Variants in RIT2 observed in about 807,000 individuals in gnomAD.
RIT2 encodes Ras like without CAAX 2.
Under a neutral mutation model 23.7 loss-of-function variants are expected in RIT2, and 24 were observed. The ratio of observed to expected loss-of-function variants is 1.01; its 90% CI spans 0.73 to 1.43. The LOEUF (loss-of-function observed/expected upper bound fraction) is 1.43. Ranked by LOEUF, RIT2 falls within the 40% of genes most tolerant of loss-of-function variation. The probability of loss-of-function intolerance (pLI) is 0.00; values close to 1 mark genes in which losing one functional copy is unlikely to be tolerated. For synonymous variants in RIT2, 107 were observed against 91.1 expected, an observed-to-expected ratio of 1.17 and a Z score of -0.99; for missense variants, 236 against 266.9, an observed-to-expected ratio of 0.88 and a Z score of 0.81.
intron 4 of RIT2, among the ~76,000 whole-genome samples, chr18:42,788,060 CATT>C (rs1464895947): frequency 6.6e-6 from 1 of 151,616 alleles, no homozygotes; most frequent in African/African-American, 2.4e-5. Context: ...CATAAAATAA[CATT>C]AATATGCACT....
At chr18:42,761,889 T>C (rs1230471519) in intron 4 of RIT2, among the ~76,000 whole-genome samples, 1 of 152,146 alleles carries the variant, frequency 6.6e-6, no homozygotes, top group Non-Finnish European at 1.5e-5. Flanking sequence ...CAGTGACACC[T>C]AATTCAGCAA....
At chr18:42,918,701 A>G (rs2144127596) in intron 4 of RIT2, among the ~76,000 whole-genome samples, 1 of 152,262 alleles carries the variant, frequency 6.6e-6, no homozygotes, top group Non-Finnish European at 1.5e-5. Context: ...GGGAGACACT[A>G]TGAAATTATG....
intron 4 of RIT2, among the ~76,000 whole-genome samples, chr18:42,800,480 A>G (rs1428997837): frequency 1.3e-5 from 2 of 151,360 alleles, no homozygotes; most frequent in Non-Finnish European, 2.9e-5. Context: ...TCTACTCTTA[A>G]GGTAATTTTT....
intron 1 of RIT2, among the ~76,000 whole-genome samples, chr18:43,057,025 G>A (rs1353866264): frequency 4.8e-5 from 6 of 125,552 alleles, no homozygotes; most frequent in African/African-American, 1.8e-4. Context: ...GATCAAGGGT[G>A]CATAAGCAAG....
chr18:42,918,470 A>C (rs932185027), intron 4 of RIT2, among the ~76,000 whole-genome samples: 4 of 152,182 alleles, frequency 2.6e-5, no homozygotes, highest in African/African-American at 7.2e-5. Context: ...CAAAATAATG[A>C]GTAAATTACC....
intron 4 of RIT2, among the ~76,000 whole-genome samples, chr18:42,759,957 A>T (rs929566004): frequency 1.3e-5 from 2 of 151,942 alleles, no homozygotes; most frequent in East Asian, 3.9e-4. Context: ...TTGTATTTTT[A>T]GTAGAGATGG....
At chr18:42,887,881 A>C (rs1908064922) in intron 4 of RIT2, among the ~76,000 whole-genome samples, 1 of 152,154 alleles carries the variant, frequency 6.6e-6, no homozygotes, top group South Asian at 2.1e-4. Context: ...TTAAATGTCT[A>C]TTACTTAAGG....
intron 3 of RIT2, among the ~76,000 whole-genome samples, chr18:42,941,950 T>C (rs1909612006): frequency 1.3e-5 from 2 of 152,176 alleles, no homozygotes; most frequent in South Asian, 4.1e-4. Context: ...GGGATTACTG[T>C]GATAGGTAAA....
intron 2 of RIT2, among the ~76,000 whole-genome samples, chr18:43,011,783 T>C (rs1488818322): frequency 6.6e-6 from 1 of 151,808 alleles, no homozygotes; most frequent in Non-Finnish European, 1.5e-5. Context: ...CATCTTAAAC[T>C]GAAGGGCTCA....
At position 42,986,379 on chromosome 18, in the gene RIT2, C is replaced by T. The variant is rs888651511; in HGVS notation, c.161-12232G>A. ...TACAAATCATTCACAAAAAGGCAAC[C>T]TCCAATGAAGGGCAGGCAAAAGACT... On this transcript the variant is annotated intron_variant, in intron 2 of 4. Transcript: ENST00000326695. Among the ~76,000 whole-genome samples the T allele has an allele frequency of 2.2e-4, 33 of 151,604 alleles. 1 individual carries two copies. Among genetic ancestry groups the T allele is most frequent in the African/African-American group, 8.0e-4 (33 of 41,272 alleles).
intron 4 of RIT2, among the ~76,000 whole-genome samples, chr18:42,766,675 G>C (rs1278660893): frequency 6.6e-6 from 1 of 152,192 alleles, no homozygotes; most frequent in Non-Finnish European, 1.5e-5. Flanking sequence ...CAAAACCATG[G>C]GGGAAAATGT....
intron 1 of RIT2, among the ~76,000 whole-genome samples, chr18:43,050,584 T>G (rs538086774): frequency 6.6e-6 from 1 of 152,176 alleles, no homozygotes; most frequent in African/African-American, 2.4e-5. Flanking sequence ...GTTACAATGT[T>G]GGATGTATTG....
intron 3 of RIT2, among the ~76,000 whole-genome samples, chr18:42,942,652 G>A (rs1909632220): frequency 1.3e-5 from 2 of 152,062 alleles, no homozygotes; most frequent in African/African-American, 2.4e-5. Context: ...TGTCCATTAG[G>A]TGAACTGTTA....
chr18:43,103,413 A>T (rs1020381382), intron 1 of RIT2, among the ~76,000 whole-genome samples: 1 of 152,250 alleles, frequency 6.6e-6, no homozygotes, highest in Non-Finnish European at 1.5e-5. Flanking sequence ...AGGAAAATTA[A>T]ACATAAAGAG....
At chr18:42,838,529 G>A in intron 4 of RIT2, among the ~76,000 whole-genome samples, 1 of 148,650 alleles carries the variant, frequency 6.7e-6, no homozygotes, top group Non-Finnish European at 1.5e-5. Flanking sequence ...TGGCAATTAA[G>A]GGGCATGAGG....
intron 4 of RIT2, among the ~76,000 whole-genome samples, chr18:42,861,003 C>T (rs991055894): frequency 3.3e-5 from 5 of 152,170 alleles, no homozygotes; most frequent in African/African-American, 7.2e-5. Flanking sequence ...CATTAATTTA[C>T]ATTGTACACA....
At chr18:42,773,030 T>C (rs1913587434) in intron 4 of RIT2, among the ~76,000 whole-genome samples, 1 of 152,122 alleles carries the variant, frequency 6.6e-6, no homozygotes, top group African/African-American at 2.4e-5. Context: ...GCCATAAACT[T>C]AAGCCATATT....
chr18:43,086,407 T>A (rs1480019192), intron 1 of RIT2, among the ~76,000 whole-genome samples: 1 of 152,124 alleles, frequency 6.6e-6, no homozygotes, highest in Non-Finnish European at 1.5e-5. Context: ...CTACCAAGAC[T>A]GAATCAGGAA....
chr18:42,918,235 C>T (rs1207128449), intron 4 of RIT2, among the ~76,000 whole-genome samples: 5 of 152,062 alleles, frequency 3.3e-5, no homozygotes, highest in Non-Finnish European at 4.4e-5. Context: ...ATGACAGTAG[C>T]GAAAACATAT....
Sources: gnomAD v4.1 joint callset for allele counts (sites outside exome capture counted in the v4.1 genomes callset) on GRCh38, gnomAD v4.1.1 for gene constraint, MANE v1.5 for transcripts, NCBI Gene and HGNC (gene_info 2026-07-23, HGNC 2026-07-21) for gene names.